DOCK4: variants seen among roughly 807,000 people sequenced by gnomAD.
DOCK4 encodes the protein dedicator of cytokinesis protein 4.
In DOCK4, 97 loss-of-function variants were observed where a neutral mutation model predicts 268.1. That is an observed-to-expected ratio of 0.36 (90% CI 0.31 to 0.43). The LOEUF is 0.43. DOCK4 is among the 20% of genes least tolerant of loss of function. DOCK4 has a pLI of 1.00. For missense variants in DOCK4, 2,145 were observed against 2,455.7 expected, an observed-to-expected ratio of 0.87 and a Z score of 2.67; for synonymous variants, 954 against 887.2, an observed-to-expected ratio of 1.08 and a Z score of -1.34.
At chr7:111,807,973 T>C (rs759330221) in intron 30 of DOCK4, 2 of 152,088 alleles carry the variant, frequency 1.3e-5, no homozygotes, top group Non-Finnish European at 2.9e-5. Flanking sequence ...AAAACAATAA[T>C]GGTTCTATTT....
At chr7:111,856,083 T>C (rs1025480110) in intron 23 of DOCK4, among the ~76,000 whole-genome samples, 4 of 152,176 alleles carry the variant, frequency 2.6e-5, no homozygotes, top group African/African-American at 9.7e-5. Context: ...TCCCACTACC[T>C]TGCAAGCCAC....
At position 111,728,571 on chromosome 7, in the gene DOCK4, C is replaced by T. The variant is rs1794832603; in HGVS notation, c.5631G>A (p.Gln1877=). The T allele has an allele frequency of 1.9e-6, 3 of 1,613,900 alleles. No homozygotes were observed. The highest frequency in any genetic ancestry group is 1.3e-5 in the African/African-American group (1 of 74,926). The change falls in exon 53 of 53, where the codon CAG becomes CAA. Residue 1877 remains glutamine, a synonymous_variant. Transcript: ENST00000428084. ...STSETSGFEN[Q]VNEQSAPLPV... is the part of the protein sequence containing the mutation. ...GCAGGGGGGCCGACTGTTCATTCAC[C>T]TGATTTTCAAAGCCTGAGGTTTCCG... is the stretch of plus-strand genomic sequence containing the variant.
At chr7:111,809,089 T>C (rs546712324) in intron 29 of DOCK4, among the ~76,000 whole-genome samples, 68 of 152,324 alleles carry the variant, frequency 4.5e-4, no homozygotes, top group African/African-American at 1.6e-3. Context: ...TTTGCATCTA[T>C]AGAAATTTTG....
At chr7:111,780,230 A>T (rs1377099974) in intron 35 of DOCK4, among the ~76,000 whole-genome samples, 1 of 152,162 alleles carries the variant, frequency 6.6e-6, no homozygotes, top group Non-Finnish European at 1.5e-5. Context: ...TAACTTTGAG[A>T]CACTGATATT....
intron 1 of DOCK4, among the ~76,000 whole-genome samples, chr7:112,048,500 T>C (rs1586716514): frequency 1.3e-5 from 2 of 150,786 alleles, no homozygotes; most frequent in African/African-American, 4.9e-5. Flanking sequence ...GAGGCAGAGG[T>C]TGCAATAAGC....
chr7:112,039,208 G>C (rs930805612), intron 1 of DOCK4, among the ~76,000 whole-genome samples: 1 of 152,074 alleles, frequency 6.6e-6, no homozygotes, highest in African/African-American at 2.4e-5. Context: ...AAGTATAAGT[G>C]ATGTCGGAAT....
At chr7:112,189,746 GTTTTT>G (rs57399750) in intron 1 of DOCK4, among the ~76,000 whole-genome samples, 2 of 95,776 alleles carry the variant, frequency 2.1e-5, no homozygotes, top group Non-Finnish European at 3.8e-5. Context: ...TCTGGGTTTT[GTTTTT>G]TTTTTTTTTT....
At chr7:112,113,973 C>A (rs1811905329) in intron 1 of DOCK4, among the ~76,000 whole-genome samples, 1 of 151,758 alleles carries the variant, frequency 6.6e-6, no homozygotes, top group South Asian at 2.1e-4. Flanking sequence ...TTTTCTTTAC[C>A]CCTAGCCCCA....
At chr7:112,104,157 A>C (rs1810934773) in intron 1 of DOCK4, among the ~76,000 whole-genome samples, 1 of 152,190 alleles carries the variant, frequency 6.6e-6, no homozygotes, top group African/African-American at 2.4e-5. Flanking sequence ...TTTGCAGAGA[A>C]ATTCATTCTG....
chr7:111,854,345 A>T (rs972201950), intron 23 of DOCK4, among the ~76,000 whole-genome samples: 1 of 152,182 alleles, frequency 6.6e-6, no homozygotes, highest in Non-Finnish European at 1.5e-5. Flanking sequence ...GTTCCATTCT[A>T]ATTACCAGTG....
intron 1 of DOCK4, among the ~76,000 whole-genome samples, chr7:112,068,639 G>C (rs1458754803): frequency 2.6e-5 from 4 of 152,142 alleles, no homozygotes; most frequent in Admixed American, 1.3e-4. Flanking sequence ...AGCCTATAAG[G>C]CAACCTAAAG....
At chr7:111,795,828 T>C (rs538958771) in intron 30 of DOCK4, among the ~76,000 whole-genome samples, 124 of 152,288 alleles carry the variant, frequency 8.1e-4, no homozygotes, top group Non-Finnish European at 1.5e-3. Context: ...TGAATTCCCT[T>C]GGAATTTCCA....
chr7:111,730,457 CAAAAT>C (rs1795005171), intron 52 of DOCK4, among the ~76,000 whole-genome samples: 1 of 152,150 alleles, frequency 6.6e-6, no homozygotes, highest in Admixed American at 6.5e-5. Context: ...TCTTTGTAAA[CAAAAT>C]AACGCTGGTA....
At chr7:111,793,795 C>T (rs539534889) in intron 30 of DOCK4, among the ~76,000 whole-genome samples, 40 of 152,228 alleles carry the variant, frequency 2.6e-4, no homozygotes, top group Non-Finnish European at 3.5e-4. Flanking sequence ...GCAGGAGAAT[C>T]GCTTGAGCCC....
chr7:111,837,286 T>A lies in DOCK4; in HGVS notation c.2737-2600A>T, dbSNP rs1803312265. ...CAAAAACTATTAACCAAGAAAAATA[T>A]CTTCCAAAATATAAAATATAAAAAT... On this transcript the variant is annotated intron_variant, in intron 25 of 52. Transcript: ENST00000428084. 2.0e-5 allele frequency among the ~76,000 whole-genome samples: 3 copies of A among 152,062 alleles called. No homozygotes were observed. In the South Asian group the frequency reaches 6.2e-4, roughly 32 times the overall value.
intron 12 of DOCK4, among the ~76,000 whole-genome samples, chr7:111,932,309 T>C (rs1794265121): frequency 6.6e-6 from 1 of 152,200 alleles, no homozygotes; most frequent in Non-Finnish European, 1.5e-5. Context: ...GGTCAGGGAC[T>C]ACATGTGAAA....
At chr7:111,825,317 T>C (rs1442412090) in intron 26 of DOCK4, among the ~76,000 whole-genome samples, 1 of 152,246 alleles carries the variant, frequency 6.6e-6, no homozygotes, top group Non-Finnish European at 1.5e-5. Context: ...CAACAGGGTT[T>C]ATTCCAAACT....
At chr7:111,755,429 T>C (rs1563457807) in intron 42 of DOCK4, 86 bp downstream of exon 42, 6 of 1,295,426 alleles carry the variant, frequency 4.6e-6, no homozygotes, top group Non-Finnish European at 4.4e-6. Flanking sequence ...AGAATCTGGG[T>C]CGAAGGAGAA....
In DOCK4 at chr7:111,872,525, T is replaced by G. The variant is rs185129443; in HGVS notation, c.1784A>C (p.Asp595Ala). The G allele has an allele frequency of 6.2e-7, 1 of 1,604,180 alleles. No homozygotes were observed. Among genetic ancestry groups the G allele is most frequent in the Non-Finnish European group, 8.5e-7 (1 of 1,174,820 alleles). Residue 595 changes from aspartate to alanine, a missense_variant, in exon 18 of 53, where the codon GAC becomes GCC. Physicochemically the swap from Asp to Ala is moderately radical, Grantham distance 126. Transcript: ENST00000428084. ...LDLLKWRTHP[D>A]KITGCLSKLK... ...TTTAGAGAGACAGCCAGTGATCTTGTCTGGGTGGGTTCTCCATTTCAAAAG... is the reference window on the plus strand; with the variant it reads ...TTTAGAGAGACAGCCAGTGATCTTGGCTGGGTGGGTTCTCCATTTCAAAAG...
Sources: allele counts gnomAD v4.1 joint callset (sites outside exome capture counted in the v4.1 genomes callset), GRCh38; gene constraint gnomAD v4.1.1; transcripts MANE v1.5; gene names NCBI Gene and HGNC (gene_info 2026-07-23, HGNC 2026-07-21).